TDRD3: variants seen among roughly 807,000 people sequenced by gnomAD.
The protein encoded by TDRD3 is tudor domain containing 3.
A neutral mutation model predicts 86.7 loss-of-function variants in TDRD3; 45 were observed. That is an observed-to-expected ratio of 0.52 (90% CI 0.41 to 0.67). The LOEUF is 0.67. TDRD3 is among the 30% of genes least tolerant of loss of function. The pLI, the probability that TDRD3 is intolerant of heterozygous loss-of-function variation, is 0.00. For missense variants in TDRD3, 814 were observed against 889.0 expected, an observed-to-expected ratio of 0.92 and a Z score of 1.07; for synonymous variants, 298 against 301.7, an observed-to-expected ratio of 0.99 and a Z score of 0.13.
intron 12 of TDRD3, among the ~76,000 whole-genome samples, chr13:60,544,540 A>C (rs1175490583): frequency 6.6e-6 from 1 of 152,080 alleles, no homozygotes; most frequent in Non-Finnish European, 1.5e-5. Flanking sequence ...AATGGAGAAG[A>C]GGCCTCCTAA....
chr13:60,533,566 G>A (rs1388244846), intron 11 of TDRD3, among the ~76,000 whole-genome samples: 2 of 152,156 alleles, frequency 1.3e-5, no homozygotes, highest in East Asian at 1.9e-4. Context: ...ATTGGAACCC[G>A]AGAGGCGGAG....
At chr13:60,505,296 C>T (rs1268883948) in intron 8 of TDRD3, among the ~76,000 whole-genome samples, 1 of 152,160 alleles carries the variant, frequency 6.6e-6, no homozygotes, top group African/African-American at 2.4e-5. Flanking sequence ...AGGCAGTTTT[C>T]CCCTCACAGT....
chr13:60,412,354 G>C (rs772151079), intron 1 of TDRD3, among the ~76,000 whole-genome samples: 18 of 152,024 alleles, frequency 1.2e-4, no homozygotes, highest in Non-Finnish European at 2.2e-4. Flanking sequence ...TTTTGATTTA[G>C]TTTACTTAAT....
intron 11 of TDRD3, among the ~76,000 whole-genome samples, chr13:60,531,458 C>T (rs1957580843): frequency 6.6e-6 from 1 of 152,146 alleles, no homozygotes; most frequent in South Asian, 2.1e-4. Context: ...ATCTGATGCT[C>T]CTGTGAAAGG....
At chr13:60,492,679 A>T (rs1727829386) in intron 7 of TDRD3, among the ~76,000 whole-genome samples, 1 of 147,742 alleles carries the variant, frequency 6.8e-6, no homozygotes, top group East Asian at 2.0e-4. Flanking sequence ...CATTTCAAAT[A>T]TTTTTTTTTT....
At chr13:60,541,101 T>C (rs1470834580) in intron 12 of TDRD3, among the ~76,000 whole-genome samples, 1 of 152,180 alleles carries the variant, frequency 6.6e-6, no homozygotes, top group Admixed American at 6.5e-5. Flanking sequence ...AATATTAGGT[T>C]AGCATAACTA....
At chr13:60,558,823 AT>A (rs1315522072) in intron 12 of TDRD3, among the ~76,000 whole-genome samples, 3 of 152,110 alleles carry the variant, frequency 2.0e-5, no homozygotes, top group Non-Finnish European at 2.9e-5. Context: ...AACAAAAAAA[AT>A]GGTAACAATA....
chr13:60,401,762 C>T (rs1954108007), intron 1 of TDRD3, among the ~76,000 whole-genome samples: 1 of 152,104 alleles, frequency 6.6e-6, no homozygotes, highest in Non-Finnish European at 1.5e-5. Flanking sequence ...TTCACTTTCC[C>T]CTTTGGGGTT....
At chr13:60,400,011 C>T (rs1355771569) in intron 1 of TDRD3, among the ~76,000 whole-genome samples, 2 of 152,074 alleles carry the variant, frequency 1.3e-5, no homozygotes, top group Admixed American at 6.5e-5. Flanking sequence ...AGCTACCTGG[C>T]GGACTTAAAA....
chr13:60,506,104 A>C (rs557338972), intron 8 of TDRD3, among the ~76,000 whole-genome samples: 66 of 152,326 alleles, frequency 4.3e-4, no homozygotes, highest in Non-Finnish European at 9.0e-4. Flanking sequence ...GTTGAAATGA[A>C]GGAAAAAATA....
At chr13:60,516,873 G>A (rs1160491290) in intron 10 of TDRD3, among the ~76,000 whole-genome samples, 1 of 152,076 alleles carries the variant, frequency 6.6e-6, no homozygotes, top group East Asian at 1.9e-4. Flanking sequence ...TCTGCATATT[G>A]TGGTCAGTGA....
At chr13:60,550,691 G>A (rs571724369) in intron 12 of TDRD3, among the ~76,000 whole-genome samples, 2 of 152,074 alleles carry the variant, frequency 1.3e-5, no homozygotes, top group African/African-American at 4.8e-5. Context: ...TAAAGTGCCA[G>A]TTAAGAGCTA....
rs541411146 is a variant in TDRD3 at position 60,510,520 on chromosome 13, T to C, written c.1016-110T>C. ...AAAGATGTAGACTATACAAAAAATATGAAAAGAAATTAAAATCCTTATTTA... is the reference window on the plus strand; with the variant it reads ...AAAGATGTAGACTATACAAAAAATACGAAAAGAAATTAAAATCCTTATTTA... On this transcript the variant is annotated intron_variant, in intron 9 of 13. Coordinates refer to ENST00000377881, the MANE Select transcript of TDRD3 (RefSeq NM_001146070.2). The C allele has an allele frequency of 7.6e-5, 87 of 1,151,734 alleles. No individual in the cohort carries two copies. The African/African-American group carries it at 1.3e-3, about 17-fold the overall frequency. 71.3% of individuals were successfully genotyped at this position (1,151,734 alleles called of 1,614,324 possible). A position where few individuals can be genotyped will look rare whatever the true frequency, so the allele number is the denominator to read the frequency against.
intron 12 of TDRD3, chr13:60,535,759 G>C (rs1393279698): frequency 6.6e-6 from 1 of 152,146 alleles, no homozygotes; most frequent in Non-Finnish European, 1.5e-5. Flanking sequence ...TATTGGAGTA[G>C]TTTTGTTACC....
At chr13:60,410,044 T>C (rs1336838323) in intron 1 of TDRD3, among the ~76,000 whole-genome samples, 2 of 152,190 alleles carry the variant, frequency 1.3e-5, no homozygotes, top group Non-Finnish European at 1.5e-5. Flanking sequence ...TCACAAGATC[T>C]GATGGGTTTA....
At chr13:60,414,748 G>A (rs537050871) in intron 1 of TDRD3, among the ~76,000 whole-genome samples, 1 of 152,166 alleles carries the variant, frequency 6.6e-6, no homozygotes, top group South Asian at 2.1e-4. Context: ...CAGGTGTTTT[G>A]AAATGGTCTA....
chr13:60,509,466 C>T (rs188568900), intron 8 of TDRD3: 3 of 218,506 alleles, frequency 1.4e-5, no homozygotes, highest in Non-Finnish European at 2.7e-5. Context: ...TAGTTTTCTC[C>T]TCACTGTCTA....
chr13:60,421,210 A>G (rs1373250960), intron 1 of TDRD3, among the ~76,000 whole-genome samples: 1 of 152,054 alleles, frequency 6.6e-6, no homozygotes, highest in African/African-American at 2.4e-5. Flanking sequence ...AAAGAGGTTT[A>G]ATGGACTCAC....
Position 60,444,634 on chromosome 13 carries a change from A to G in TDRD3, c.127-49A>G, listed in dbSNP as rs910794640. On this transcript the variant is annotated intron_variant, in intron 2 of 13. Coordinates refer to ENST00000377881, the MANE Select transcript of TDRD3 (RefSeq NM_001146070.2). ...CTTTTGTTCATGAGGTTAGATTTAAATTTACTCTTTTCTATAATTCCATTT... is the reference window on the plus strand; with the variant it reads ...CTTTTGTTCATGAGGTTAGATTTAAGTTTACTCTTTTCTATAATTCCATTT... The G allele has an allele frequency of 2.7e-6, 3 of 1,100,254 alleles. No homozygotes were observed. In the African/African-American group the frequency reaches 4.9e-5, roughly 18 times the overall value. 68.2% of individuals were successfully genotyped at this position (1,100,254 alleles called of 1,614,324 possible). A position where few individuals can be genotyped will look rare whatever the true frequency, so the allele number is the denominator to read the frequency against.
Sources: gnomAD v4.1 joint callset for allele counts (sites outside exome capture counted in the v4.1 genomes callset) on GRCh38, gnomAD v4.1.1 for gene constraint, MANE v1.5 for transcripts, NCBI Gene and HGNC (gene_info 2026-07-23, HGNC 2026-07-21) for gene names.